Variants in EYA2 observed in about 807,000 individuals in gnomAD.
EYA2 encodes the protein EYA transcriptional coactivator and phosphatase 2.
A neutral mutation model predicts 69.2 loss-of-function variants in EYA2; 31 were observed. That is an observed-to-expected ratio of 0.45 (90% CI 0.34 to 0.60). EYA2 has a LOEUF of 0.60. Ranked by LOEUF, EYA2 falls within the 20% of genes least tolerant of loss-of-function variation. The probability of loss-of-function intolerance (pLI) is 0.02; values close to 1 mark genes in which losing one functional copy is unlikely to be tolerated. For missense variants in EYA2, 622 were observed against 701.2 expected (o/e 0.89, Z 1.28); for synonymous variants, 257 against 279.4 (o/e 0.92, Z 0.80).
At chr20:47,118,226 A>T (rs1312253248) in intron 9 of EYA2, among the ~76,000 whole-genome samples, 1 of 152,234 alleles carries the variant, frequency 6.6e-6, no homozygotes, top group Non-Finnish European at 1.5e-5. Context: ...CTTGTATTTA[A>T]ATCTCTCTTC....
chr20:46,979,955 C>T (rs1032062388), intron 1 of EYA2, among the ~76,000 whole-genome samples: 1 of 152,170 alleles, frequency 6.6e-6, no homozygotes, highest in African/African-American at 2.4e-5. Context: ...AGTGAAATAA[C>T]TTGCCCAAGG....
At chr20:47,000,628 T>C (rs1339639291) in intron 2 of EYA2, among the ~76,000 whole-genome samples, 1 of 152,210 alleles carries the variant, frequency 6.6e-6, no homozygotes, top group African/African-American at 2.4e-5. Context: ...GAACTGTCCC[T>C]ATGTAAAATT....
intron 5 of EYA2, among the ~76,000 whole-genome samples, chr20:47,063,277 A>G (rs1454258526): frequency 6.6e-6 from 1 of 151,998 alleles, no homozygotes; most frequent in Non-Finnish European, 1.5e-5. Flanking sequence ...TCTGTAGACT[A>G]TCTTATTCTG....
At chr20:46,948,508 A>C (rs1465842547) in intron 1 of EYA2, among the ~76,000 whole-genome samples, 2 of 152,210 alleles carry the variant, frequency 1.3e-5, no homozygotes. Flanking sequence ...AGTGACGATA[A>C]GCTGCATAAG....
chr20:46,943,226 A>T (rs1986229762), intron 1 of EYA2, among the ~76,000 whole-genome samples: 1 of 152,188 alleles, frequency 6.6e-6, no homozygotes, highest in South Asian at 2.1e-4. Context: ...GCTGCCAAAC[A>T]TCCTACGATG....
chr20:47,099,789 A>C (rs150991880), intron 9 of EYA2, among the ~76,000 whole-genome samples: 1 of 148,492 alleles, frequency 6.7e-6, no homozygotes, highest in Non-Finnish European at 1.5e-5. Context: ...GTCTGTCCTC[A>C]TAACTGTGTT....
At chr20:47,024,640 C>T (rs1983974794) in intron 5 of EYA2, among the ~76,000 whole-genome samples, 1 of 152,224 alleles carries the variant, frequency 6.6e-6, no homozygotes, top group Non-Finnish European at 1.5e-5. Flanking sequence ...TGACTTGCAG[C>T]TCCATCTCCC....
chr20:47,050,924 T>TACAG (rs1253562963), intron 5 of EYA2, among the ~76,000 whole-genome samples: 1 of 152,270 alleles, frequency 6.6e-6, no homozygotes, highest in Non-Finnish European at 1.5e-5. Flanking sequence ...GACAGACAGA[T>TACAG]ACAGGATGTG....
In EYA2 at chr20:47,188,436, G is replaced by A. The variant is rs1317159104; in HGVS notation, c.*303G>A. ...GGAATTGCTGATTTGGGGGGTGCCT[G>A]GTGATGAGGAGGGGATGGGTTTGTC... On this transcript the variant is annotated 3_prime_UTR_variant, in exon 16 of 16. Coordinates refer to ENST00000327619, the MANE Select transcript of EYA2 (RefSeq NM_005244.5). 3.6e-6 allele frequency: 2 copies of A among 559,142 alleles called. No homozygotes were observed. The highest frequency in any genetic ancestry group is 5.6e-5 in the East Asian group (2 of 35,892). 34.6% of individuals were successfully genotyped at this position (559,142 alleles called of 1,614,324 possible). A position where few individuals can be genotyped will look rare whatever the true frequency, so the allele number is the denominator to read the frequency against.
chr20:47,009,104 T>C (rs1055794816), intron 4 of EYA2, among the ~76,000 whole-genome samples: 6 of 152,196 alleles, frequency 3.9e-5, no homozygotes, highest in African/African-American at 1.4e-4. Context: ...GATGAAGGGC[T>C]TCCTCACCAG....
chr20:46,927,342 C>T (rs548461689), intron 1 of EYA2, among the ~76,000 whole-genome samples: 11 of 152,152 alleles, frequency 7.2e-5, no homozygotes, highest in South Asian at 2.1e-4. Context: ...GCTGCAGCAG[C>T]GAGGAAGTAG....
Position 47,097,071 on chromosome 20 carries a change from C to T in EYA2, c.805-14C>T, listed in dbSNP as rs751237301. 6.2e-7 allele frequency: 1 copy of T among 1,603,664 alleles called. No individual in the cohort carries two copies. On this transcript the variant is annotated splice_polypyrimidine_tract_variant and intron_variant, in intron 8 of 15. Coordinates refer to ENST00000327619, the MANE Select transcript of EYA2 (RefSeq NM_005244.5). ...GTCCATTTTTCTCCATTCTCTTCCT[C>T]TCTTTCATCACAGCGTGTGTTCGTG... is the stretch of plus-strand genomic sequence containing the variant.
intron 7 of EYA2, among the ~76,000 whole-genome samples, chr20:47,086,197 G>A (rs944036138): frequency 2.0e-5 from 3 of 152,100 alleles, no homozygotes; most frequent in African/African-American, 7.2e-5. Context: ...AAGAAAAGAG[G>A]TTTAATGGCT....
chr20:47,065,008 G>C (rs897613607), intron 5 of EYA2, among the ~76,000 whole-genome samples: 1 of 152,178 alleles, frequency 6.6e-6, no homozygotes, highest in Admixed American at 6.5e-5. Flanking sequence ...GGCAAAGGAG[G>C]AGCAAAGTCA....
At chr20:46,907,705 G>C (rs1271126792) in intron 1 of EYA2, among the ~76,000 whole-genome samples, 1 of 152,184 alleles carries the variant, frequency 6.6e-6, no homozygotes, top group Non-Finnish European at 1.5e-5. Flanking sequence ...CAGGTATGGT[G>C]GCCCGCATCT....
At chr20:47,061,599 C>T (rs1362816912) in intron 5 of EYA2, among the ~76,000 whole-genome samples, 1 of 152,164 alleles carries the variant, frequency 6.6e-6, no homozygotes, top group Non-Finnish European at 1.5e-5. Flanking sequence ...CAATCTAATT[C>T]ACAGTTGGTT....
intron 1 of EYA2, among the ~76,000 whole-genome samples, chr20:46,988,639 C>T (rs1458891374): frequency 7.9e-5 from 12 of 152,342 alleles, no homozygotes; most frequent in Non-Finnish European, 1.3e-4. Flanking sequence ...AAAATTGCTA[C>T]GCCATGTACA....
At chr20:46,897,561 G>A (rs1384371060) in intron 1 of EYA2, among the ~76,000 whole-genome samples, 2 of 152,170 alleles carry the variant, frequency 1.3e-5, no homozygotes, top group Admixed American at 6.5e-5. Flanking sequence ...TCCACCAGAT[G>A]TTTTTTAGGT....
At chr20:47,102,636 A>G (rs2032456394) in intron 9 of EYA2, among the ~76,000 whole-genome samples, 1 of 152,226 alleles carries the variant, frequency 6.6e-6, no homozygotes, top group South Asian at 2.1e-4. Flanking sequence ...TTTGAATTTT[A>G]AGACAGAAAC....
Sources: gnomAD v4.1 joint callset for allele counts (sites outside exome capture counted in the v4.1 genomes callset) on GRCh38, gnomAD v4.1.1 for gene constraint, MANE v1.5 for transcripts, NCBI Gene and HGNC (gene_info 2026-07-23, HGNC 2026-07-21) for gene names.